Variants in LRRC3B observed in about 807,000 individuals in gnomAD.
LRRC3B encodes leucine rich repeat containing 3B, also known as leucine-rich repeat-containing protein 3B.
A neutral mutation model predicts 12.8 loss-of-function variants in LRRC3B; 2 were observed. That is an observed-to-expected ratio of 0.16 (90% confidence interval 0.06 to 0.49). The LOEUF is 0.49. Ranked by LOEUF, LRRC3B falls within the 20% of genes least tolerant of loss-of-function variation. The pLI is 0.96. For synonymous variants in LRRC3B, 132 were observed against 122.0 expected, an observed-to-expected ratio of 1.08 and a Z score of -0.54; for missense variants, 189 against 319.4, an observed-to-expected ratio of 0.59 and a Z score of 3.11.
chr3:26,677,733 G>A (rs1480624562), intron 1 of LRRC3B, among the ~76,000 whole-genome samples: 1 of 152,104 alleles, frequency 6.6e-6, no homozygotes, highest in Non-Finnish European at 1.5e-5. Context: ...CATTCTTATT[G>A]TCAGTCAAAA....
intron 1 of LRRC3B, among the ~76,000 whole-genome samples, chr3:26,656,282 C>T (rs7434089): frequency 0.42 from 63,770 of 151,950 alleles, 13,742 homozygotes; most frequent in Middle Eastern, 0.5. Flanking sequence ...GATCCAAATA[C>T]GTAATGACTC....
chr3:26,698,959 C>G (rs759315126), intron 1 of LRRC3B, among the ~76,000 whole-genome samples: 10 of 152,104 alleles, frequency 6.6e-5, no homozygotes, highest in Non-Finnish European at 1.3e-4. Flanking sequence ...AGAAGTTGAT[C>G]TCTTGCGTTG....
chr3:26,665,750 TA>T (rs1337373754), intron 1 of LRRC3B, among the ~76,000 whole-genome samples: 2 of 152,304 alleles, frequency 1.3e-5, no homozygotes, highest in African/African-American at 4.8e-5. Flanking sequence ...ATCTTAGGTA[TA>T]CTTTTTTAAG....
chr3:26,710,585 C>A, exon 2 of LRRC3B: 1 of 928,466 alleles, frequency 1.1e-6, no homozygotes, highest in Non-Finnish European at 1.6e-6. Flanking sequence ...TATGCCACTG[C>A]TGAACTTTTA....
chr3:26,693,895 T>C (rs1417557309), intron 1 of LRRC3B, among the ~76,000 whole-genome samples: 1 of 152,238 alleles, frequency 6.6e-6, no homozygotes, highest in Admixed American at 6.5e-5. Flanking sequence ...AACACAATAG[T>C]CCATTCATCT....
chr3:26,703,590 G>T (rs1405231695), intron 1 of LRRC3B, among the ~76,000 whole-genome samples: 1 of 151,896 alleles, frequency 6.6e-6, no homozygotes, highest in African/African-American at 2.4e-5. Context: ...CGTGTTCTTT[G>T]GTTGGTCCTA....
intron 1 of LRRC3B, among the ~76,000 whole-genome samples, chr3:26,698,880 A>G (rs1022244519): frequency 2.6e-5 from 4 of 152,232 alleles, no homozygotes; most frequent in East Asian, 1.9e-4. Context: ...AATACCTTAC[A>G]TACAGTATAC....
intron 1 of LRRC3B, among the ~76,000 whole-genome samples, chr3:26,627,828 A>G (rs1229319710): frequency 6.6e-6 from 1 of 152,220 alleles, no homozygotes; most frequent in Admixed American, 6.5e-5. Context: ...CAGATCATCC[A>G]GAAGGGTGAC....
intron 1 of LRRC3B, among the ~76,000 whole-genome samples, chr3:26,697,829 G>T (rs943703139): frequency 6.6e-6 from 1 of 152,112 alleles, no homozygotes; most frequent in African/African-American, 2.4e-5. Context: ...TTAAAGTACA[G>T]CTTTTGGCCC....
At chr3:26,639,731 G>C (rs1467945544) in intron 1 of LRRC3B, among the ~76,000 whole-genome samples, 1 of 152,152 alleles carries the variant, frequency 6.6e-6, no homozygotes, top group Admixed American at 6.5e-5. Flanking sequence ...GGAAATGTTA[G>C]AGTCCTGCTT....
chr3:26,696,451 C>A (rs1054179095), intron 1 of LRRC3B, among the ~76,000 whole-genome samples: 1 of 152,158 alleles, frequency 6.6e-6, no homozygotes, highest in East Asian at 1.9e-4. Context: ...AGTCTCAGGG[C>A]TTGACATTTT....
chr3:26,636,898 C>T (rs1559350198), intron 1 of LRRC3B, among the ~76,000 whole-genome samples: 2,399 of 96,742 alleles, frequency 0.025, 129 homozygotes, highest in Non-Finnish European at 0.032. Flanking sequence ...TTCTCTCTCT[C>T]TCTCTTTCTC....
At chr3:26,685,486 C>CCTCTCTCTCTCT (rs61229084) in intron 1 of LRRC3B, among the ~76,000 whole-genome samples, 4 of 49,564 alleles carry the variant, frequency 8.1e-5, no homozygotes, top group South Asian at 9.4e-4. Context: ...AGACTCTCTC[C>CCTCTCTCTCTCT]CTCTCTCTCT....
At chr3:26,687,374 T>G (rs1444368246) in intron 1 of LRRC3B, among the ~76,000 whole-genome samples, 1 of 152,246 alleles carries the variant, frequency 6.6e-6, no homozygotes, top group Non-Finnish European at 1.5e-5. Context: ...CAGTGTATCC[T>G]CTGCATTATA....
At chr3:26,663,167 TG>T (rs2125424569) in intron 1 of LRRC3B, among the ~76,000 whole-genome samples, 1 of 152,310 alleles carries the variant, frequency 6.6e-6, no homozygotes, top group African/African-American at 2.4e-5. Flanking sequence ...CTCCTTTTTT[TG>T]TAGCCAGCTT....
chr3:26,652,710 T>TA (rs937433713), intron 1 of LRRC3B, among the ~76,000 whole-genome samples: 11 of 151,184 alleles, frequency 7.3e-5, no homozygotes, highest in East Asian at 1.9e-4. Flanking sequence ...TTCTTTTTTT[T>TA]AAAAAAAAAT....
intron 1 of LRRC3B, among the ~76,000 whole-genome samples, chr3:26,683,984 C>G (rs1426931997): frequency 6.6e-6 from 1 of 152,178 alleles, no homozygotes; most frequent in Non-Finnish European, 1.5e-5. Context: ...ACTTGTTTCT[C>G]TCAATATTTT....
exon 2 of LRRC3B, chr3:26,710,004 T>C: frequency 6.2e-7 from 1 of 1,613,866 alleles, no homozygotes; most frequent in Non-Finnish European, 8.5e-7. Context: ...TTCAAAGGAG[T>C]AGCTGAAACC....
chr3:26,693,723 A>ATGAC (rs1374857701), intron 1 of LRRC3B, among the ~76,000 whole-genome samples: 1 of 152,256 alleles, frequency 6.6e-6, no homozygotes. Context: ...AAGAGGCTGA[A>ATGAC]TGACAAAGTT....
Sources: gnomAD v4.1 joint callset for allele counts (sites outside exome capture counted in the v4.1 genomes callset) on GRCh38, gnomAD v4.1.1 for gene constraint, MANE v1.5 for transcripts, NCBI Gene and HGNC (gene_info 2026-07-23, HGNC 2026-07-21) for gene names.